Variants in PODXL observed in about 807,000 individuals in gnomAD.
PODXL encodes podocalyxin like.
In PODXL, 20 loss-of-function variants were observed where a neutral mutation model predicts 48.9. The ratio of observed to expected loss-of-function variants is 0.41; its 90% CI spans 0.29 to 0.59. The LOEUF is 0.59. Ranked by LOEUF, PODXL falls within the 20% of genes least tolerant of loss-of-function variation. The pLI is 0.31. For missense variants in PODXL, 606 were observed against 675.1 expected (o/e 0.90, Z 1.13); for synonymous variants, 295 against 287.4 (o/e 1.03, Z -0.27).
intron 4 of PODXL, 42 bp from the exon 5 acceptor site, chr7:131,509,070 T>C (rs972173476): frequency 1.3e-5 from 19 of 1,518,402 alleles, no homozygotes; most frequent in Middle Eastern, 1.7e-4. Flanking sequence ...CTAATAGTCA[T>C]GGAATCTTTG....
chr7:131,517,863 C>T (rs562552236), intron 1 of PODXL, among the ~76,000 whole-genome samples: 12 of 152,184 alleles, frequency 7.9e-5, no homozygotes, highest in African/African-American at 2.9e-4. Context: ...CTCAGCCTCC[C>T]AAGTACCTGG....
chr7:131,523,510 G>A (rs1562909190), intron 1 of PODXL, among the ~76,000 whole-genome samples: 2 of 151,562 alleles, frequency 1.3e-5, no homozygotes, highest in Admixed American at 1.3e-4. Context: ...GTGAAACCCT[G>A]TCTCTACTAA....
intron 1 of PODXL, among the ~76,000 whole-genome samples, chr7:131,546,988 G>A (rs1337285324): frequency 2.0e-5 from 3 of 152,226 alleles, no homozygotes; most frequent in Non-Finnish European, 4.4e-5. Flanking sequence ...GCCCTGTGAG[G>A]TCGCAGAGGA....
chr7:131,508,884 T>A (rs1027976453), intron 5 of PODXL, 67 bp downstream of exon 5: 58 of 1,099,314 alleles, frequency 5.3e-5, no homozygotes, highest in Admixed American at 6.8e-5. Flanking sequence ...AGAACATACA[T>A]TCCCTCTCCC....
intron 1 of PODXL, among the ~76,000 whole-genome samples, chr7:131,554,861 A>G (rs370662001): frequency 8.7e-4 from 132 of 152,284 alleles, no homozygotes; most frequent in African/African-American, 3.0e-3. Context: ...CTAAGGAGCC[A>G]CCATACTCTC....
chr7:131,538,788 C>T (rs1425654345), intron 1 of PODXL, among the ~76,000 whole-genome samples: 1 of 152,174 alleles, frequency 6.6e-6, no homozygotes, highest in Non-Finnish European at 1.5e-5. Flanking sequence ...AGAGGCGTCC[C>T]CATGCCGAGC....
intron 1 of PODXL, among the ~76,000 whole-genome samples, chr7:131,547,147 G>T (rs1798592126): frequency 6.6e-6 from 1 of 152,076 alleles, no homozygotes; most frequent in South Asian, 2.1e-4. Context: ...GGCTGATTAG[G>T]CGGATCACCT....
chr7:131,528,459 G>T (rs1281004789), intron 1 of PODXL, among the ~76,000 whole-genome samples: 3 of 152,210 alleles, frequency 2.0e-5, no homozygotes, highest in Non-Finnish European at 4.4e-5. Flanking sequence ...TCACACAGAG[G>T]TTGTGAAAAC....
chr7:131,524,409 A>AGAGAGAGAGAGAGAGAGAGAGAGAGAG (rs760491817), intron 1 of PODXL, among the ~76,000 whole-genome samples: 1 of 72,140 alleles, frequency 1.4e-5, no homozygotes, highest in Non-Finnish European at 3.9e-5. Flanking sequence ...GAGAGAGAGA[A>AGAGAGAGAGAGAGAGAGAGAGAGAGAG]AACAACAAGG....
At chr7:131,547,876 C>A (rs1005392904) in intron 1 of PODXL, among the ~76,000 whole-genome samples, 2 of 152,212 alleles carry the variant, frequency 1.3e-5, no homozygotes, top group Non-Finnish European at 2.9e-5. Flanking sequence ...CATAGCCAAA[C>A]CCCTAAGACA....
At chr7:131,516,913 T>G (rs1205532432) in intron 1 of PODXL, among the ~76,000 whole-genome samples, 1 of 152,064 alleles carries the variant, frequency 6.6e-6, no homozygotes. Flanking sequence ...AGAAACAGGA[T>G]CTCCCTATGT....
chr7:131,508,916 C>T (rs773498420), intron 5 of PODXL, 35 bp downstream of exon 5: 1 of 1,464,342 alleles, frequency 6.8e-7, no homozygotes, highest in South Asian at 1.1e-5. Context: ...TGCTGTGAGC[C>T]TGCACCTGGC....
chr7:131,521,934 C>A lies in PODXL; in HGVS notation c.101-10501G>T, dbSNP rs181072481. 6.6e-5 allele frequency among the ~76,000 whole-genome samples: 10 copies of A among 152,326 alleles called. No homozygotes were observed. The East Asian group carries it at 1.7e-3, about 26-fold the overall frequency. On this transcript the variant is annotated intron_variant, in intron 1 of 8. Transcript: ENST00000378555. ...CCTGAGGGCACTGGCGGAAACCTCC[C>A]GCAGCCAGGGAAGAGAATAGGAAAG...
At chr7:131,534,546 G>A (rs868001648) in intron 1 of PODXL, among the ~76,000 whole-genome samples, 29 of 152,264 alleles carry the variant, frequency 1.9e-4, no homozygotes, top group African/African-American at 6.3e-4. Context: ...CAGTAGGGTG[G>A]GGTGGGGGTC....
intron 1 of PODXL, among the ~76,000 whole-genome samples, chr7:131,556,011 A>G (rs2116880032): frequency 6.6e-6 from 1 of 152,368 alleles, no homozygotes; most frequent in African/African-American, 2.4e-5. Flanking sequence ...TTGCCCGGGC[A>G]GAATCCACCG....
intron 1 of PODXL, among the ~76,000 whole-genome samples, chr7:131,545,434 T>G (rs1326713451): frequency 6.6e-6 from 1 of 152,256 alleles, no homozygotes; most frequent in East Asian, 1.9e-4. Context: ...TGGGTTTTAG[T>G]ACTCTAAGTC....
At chr7:131,518,222 G>A (rs945070112) in intron 1 of PODXL, among the ~76,000 whole-genome samples, 2 of 152,100 alleles carry the variant, frequency 1.3e-5, no homozygotes, top group African/African-American at 2.4e-5. Context: ...AATGCCATTC[G>A]CTCTCCTGAT....
At chr7:131,538,463 G>A (rs1030218213) in intron 1 of PODXL, among the ~76,000 whole-genome samples, 18 of 152,132 alleles carry the variant, frequency 1.2e-4, no homozygotes, top group African/African-American at 4.1e-4. Context: ...CCCAGAGTTG[G>A]TGACACTGCA....
chr7:131,505,854 A>G lies in PODXL; in HGVS notation c.1479+14T>C, dbSNP rs1797788582. 6 of 1,550,748 alleles carry G rather than the reference A, an allele frequency of 3.9e-6. No individual in the cohort carries two copies. In the East Asian group the frequency reaches 1.2e-4, roughly 31 times the overall value. ...TGGGCTGCTTCCCCTGTGTGGCTGC[A>G]AACAGCTGCTTACCTGGTCCTTCCT... On this transcript the variant is annotated intron_variant, in intron 8 of 8. Transcript: ENST00000378555.
Sources: allele counts gnomAD v4.1 joint callset (sites outside exome capture counted in the v4.1 genomes callset), GRCh38; gene constraint gnomAD v4.1.1; transcripts MANE v1.5; gene names NCBI Gene and HGNC (gene_info 2026-07-23, HGNC 2026-07-21).